The following RCAN2 variants were observed in gnomAD, a reference collection of about 807,000 sequenced individuals.
RCAN2 encodes calcipressin-2.
In RCAN2, 9 loss-of-function variants were observed where a neutral mutation model predicts 23.6. That is an observed-to-expected ratio of 0.38 (90% CI 0.23 to 0.67). The LOEUF (loss-of-function observed/expected upper bound fraction) is 0.67, where lower values mean the gene tolerates loss of function less well. Among genes scored for constraint, RCAN2 ranks in the 30% least tolerant of loss-of-function variants. The probability of loss-of-function intolerance (pLI) is 0.51; values close to 1 mark genes in which losing one functional copy is unlikely to be tolerated. For synonymous variants in RCAN2, 109 were observed against 115.7 expected (o/e 0.94, Z 0.37); for missense variants, 273 against 302.3 (o/e 0.90, Z 0.72).
At chr6:46,247,034 G>A (rs1481091985) in intron 3 of RCAN2, 115 bp from the exon 4 acceptor site, 9 of 811,640 alleles carry the variant, frequency 1.1e-5, no homozygotes, top group Admixed American at 3.1e-5. Context: ...CGATGAACCC[G>A]ACCGTAATAA....
chr6:46,388,118 G>C (rs1482436361), intron 2 of RCAN2, among the ~76,000 whole-genome samples: 1 of 152,054 alleles, frequency 6.6e-6, no homozygotes. Flanking sequence ...TGGGGGTAGG[G>C]GGGAGGGAAA....
At chr6:46,408,889 A>G (rs1384222051) in intron 2 of RCAN2, among the ~76,000 whole-genome samples, 1 of 152,216 alleles carries the variant, frequency 6.6e-6, no homozygotes, top group Non-Finnish European at 1.5e-5. Context: ...TTGTTCTTAC[A>G]TGTCAGAAAA....
intron 2 of RCAN2, among the ~76,000 whole-genome samples, chr6:46,413,879 G>A (rs571645142): frequency 1.3e-5 from 2 of 152,274 alleles, no homozygotes; most frequent in African/African-American, 4.8e-5. Context: ...ATGGAGTCAG[G>A]AATGGGACAA....
intron 2 of RCAN2, among the ~76,000 whole-genome samples, chr6:46,318,677 G>A (rs146889548): frequency 6.6e-6 from 1 of 151,962 alleles, no homozygotes; most frequent in Admixed American, 6.6e-5. Flanking sequence ...AGAATAGGTA[G>A]AGGATCCAGA....
chr6:46,292,917 C>A (rs1157526944), intron 2 of RCAN2, among the ~76,000 whole-genome samples: 5 of 152,098 alleles, frequency 3.3e-5, no homozygotes, highest in Admixed American at 2.0e-4. Context: ...TGTTCCCCTC[C>A]CTGTGTCCAT....
chr6:46,478,338 T>C (rs1432586574), intron 1 of RCAN2, among the ~76,000 whole-genome samples: 1 of 152,188 alleles, frequency 6.6e-6, no homozygotes, highest in Non-Finnish European at 1.5e-5. Context: ...GATAGTGATA[T>C]AATAACAACA....
At chr6:46,419,512 TG>T (rs1766810850) in intron 2 of RCAN2, among the ~76,000 whole-genome samples, 1 of 152,236 alleles carries the variant, frequency 6.6e-6, no homozygotes. Context: ...CATGTTAATA[TG>T]AGAAAGATGA....
intron 2 of RCAN2, among the ~76,000 whole-genome samples, chr6:46,444,697 T>C (rs558625735): frequency 6.6e-6 from 1 of 152,240 alleles, no homozygotes; most frequent in East Asian, 1.9e-4. Flanking sequence ...GTCCTGCAGC[T>C]TCATGCTCCA....
chr6:46,365,055 G>T (rs77376867), intron 2 of RCAN2, among the ~76,000 whole-genome samples: 24 of 151,982 alleles, frequency 1.6e-4, no homozygotes, highest in African/African-American at 5.8e-4. Context: ...AGCCCTAATC[G>T]CACTTTGATA....
At chr6:46,280,477 CCA>C (rs142122139) in intron 2 of RCAN2, among the ~76,000 whole-genome samples, 37 of 149,342 alleles carry the variant, frequency 2.5e-4, no homozygotes, top group East Asian at 3.9e-4. Context: ...GATTAGAAGA[CCA>C]CACACACACA....
intron 4 of RCAN2, among the ~76,000 whole-genome samples, chr6:46,232,964 T>C (rs1207742732): frequency 6.6e-6 from 1 of 152,150 alleles, no homozygotes; most frequent in Non-Finnish European, 1.5e-5. Context: ...CCCATGAGGA[T>C]ACTGGCACAC....
intron 1 of RCAN2, among the ~76,000 whole-genome samples, chr6:46,458,439 A>C (rs532194192): frequency 1.7e-4 from 26 of 152,330 alleles, no homozygotes; most frequent in South Asian, 4.1e-4. Flanking sequence ...GCCAAAAATT[A>C]AATAGTTTGA....
chr6:46,333,208 C>T (rs1160517145), intron 2 of RCAN2, among the ~76,000 whole-genome samples: 1 of 151,918 alleles, frequency 6.6e-6, no homozygotes, highest in African/African-American at 2.4e-5. Flanking sequence ...TGGATATTAG[C>T]CCTTTGTCAG....
intron 2 of RCAN2, among the ~76,000 whole-genome samples, chr6:46,405,647 G>A (rs1463714499): frequency 6.6e-6 from 1 of 152,180 alleles, no homozygotes. Flanking sequence ...TACAATCCCT[G>A]AGCTAGACAT....
intron 2 of RCAN2, among the ~76,000 whole-genome samples, chr6:46,262,246 G>A (rs970676565): frequency 6.6e-6 from 1 of 151,798 alleles, no homozygotes; most frequent in Non-Finnish European, 1.5e-5. Flanking sequence ...CAACCTAAAT[G>A]TTATCCTGAT....
At chr6:46,430,794 A>G (rs1440904894) in intron 2 of RCAN2, among the ~76,000 whole-genome samples, 1 of 152,238 alleles carries the variant, frequency 6.6e-6, no homozygotes, top group Non-Finnish European at 1.5e-5. Flanking sequence ...TATCAAGAAT[A>G]CAAAATAGGA....
chr6:46,451,588 A>G (rs1767885168), intron 2 of RCAN2, among the ~76,000 whole-genome samples: 1 of 152,212 alleles, frequency 6.6e-6, no homozygotes, highest in African/African-American at 2.4e-5. Flanking sequence ...GGAACTCAGT[A>G]AAAACCACAA....
intron 2 of RCAN2, among the ~76,000 whole-genome samples, chr6:46,326,768 G>A (rs141729055): frequency 6.6e-6 from 1 of 152,208 alleles, no homozygotes; most frequent in Non-Finnish European, 1.5e-5. Context: ...TCTAACATAT[G>A]ACTGGACAAA....
At chr6:46,291,227 A>G (rs969213757) in intron 2 of RCAN2, among the ~76,000 whole-genome samples, 8 of 151,988 alleles carry the variant, frequency 5.3e-5, no homozygotes, top group African/African-American at 9.7e-5. Flanking sequence ...AGTCAGGGGG[A>G]AAAAAAGCTG....
Sources: gnomAD v4.1 joint callset for allele counts (sites outside exome capture counted in the v4.1 genomes callset) on GRCh38, gnomAD v4.1.1 for gene constraint, MANE v1.5 for transcripts, NCBI Gene and HGNC (gene_info 2026-07-23, HGNC 2026-07-21) for gene names.